ZNF195: variants seen among roughly 807,000 people sequenced by gnomAD.
ZNF195 encodes the protein zinc finger protein 195.
A neutral mutation model predicts 19.5 loss-of-function variants in ZNF195; 11 were observed. That is an observed-to-expected ratio of 0.57 (90% confidence interval 0.36 to 0.94). ZNF195 has a LOEUF of 0.94. Ranked by LOEUF, ZNF195 falls within the 40% of genes least tolerant of loss-of-function variation. The pLI, the probability that ZNF195 is intolerant of heterozygous loss-of-function variation, is 0.01. For missense variants in ZNF195, 582 were observed against 709.0 expected, an observed-to-expected ratio of 0.82 and a Z score of 2.03; for synonymous variants, 214 against 248.1, an observed-to-expected ratio of 0.86 and a Z score of 1.29.
intron 3 of ZNF195, among the ~76,000 whole-genome samples, chr11:3,365,411 A>T (rs1407361169): frequency 1.3e-5 from 2 of 152,244 alleles, no homozygotes; most frequent in Non-Finnish European, 2.9e-5. Context: ...AAGTCTCATG[A>T]CATGTTTTCT....
chr11:3,379,077 GATC>G lies in ZNF195; in HGVS notation c.-40_-38del. The G allele has an allele frequency of 6.7e-7, 1 of 1,493,966 alleles. No individual in the cohort carries two copies. Among genetic ancestry groups the G allele is most frequent in the Non-Finnish European group, 9.0e-7 (1 of 1,111,622 alleles). 92.5% of individuals were successfully genotyped at this position (1,493,966 alleles called of 1,614,324 possible). On this transcript the variant is annotated 5_prime_UTR_variant, in exon 1 of 6. Coordinates refer to ENST00000399602, the MANE Select transcript of ZNF195 (RefSeq NM_001130520.3). ...CAGAGAGCCTGGCGTTTCACTTCTG[GATC>G]TCCCGGTGCCTGCGGGTCACACGAC...
rs1848576267 is a variant in ZNF195, at chr11:3,360,450, C to A, written c.558G>T (p.Arg186Ser). The A allele has an allele frequency of 1.9e-6, 3 of 1,611,590 alleles. No homozygotes were observed. The highest frequency in any genetic ancestry group is 1.3e-5 in the African/African-American group (1 of 74,422). The change falls in exon 6 of 6, where the codon AGG (arginine) becomes AGT (serine). Residue 186 changes from arginine to serine, a missense_variant. Physicochemically the swap from Arg to Ser is moderately radical, Grantham distance 110. This residue lies in a region of ZNF195 where 407 missense variants were observed against 530.5 expected (regional missense o/e 0.77). Transcript: ENST00000399602. ...ACTCATCTAAACTTTCCCAGTCTTT[C>A]CTTAAATATAAATTATCAAGGCCAC... ...GNCGLDNLYL[R>S]KDWESLDECK...
chr11:3,372,807 C>G (rs1044993890), intron 1 of ZNF195, among the ~76,000 whole-genome samples: 3 of 152,260 alleles, frequency 2.0e-5, no homozygotes, highest in Admixed American at 2.0e-4. Context: ...TCTCGGCTCA[C>G]TGCTACCTCT....
chr11:3,378,918 AG>A, intron 1 of ZNF195, 119 bp downstream of exon 1: 1 of 1,204,014 alleles, frequency 8.3e-7, no homozygotes. Flanking sequence ...GTGCAGCTGG[AG>A]GGGCCTCGGG....
chr11:3,366,218 C>T (rs1418230953), intron 3 of ZNF195, among the ~76,000 whole-genome samples: 19 of 143,436 alleles, frequency 1.3e-4, no homozygotes, highest in Non-Finnish European at 2.6e-4. Flanking sequence ...GAGCAGAGAT[C>T]GCACCACTGC....
Position 3,360,184 on chromosome 11 carries a change from C to T in ZNF195, c.824G>A (p.Gly275Glu), listed in dbSNP as rs370210095. The T allele has an allele frequency of 3.1e-5, 50 of 1,613,728 alleles. No individual in the cohort carries two copies. Among genetic ancestry groups the T allele is most frequent in the African/African-American group, 5.3e-5 (4 of 74,866 alleles). ...IHTGKKFQKCGECGKTFIQCS... is the reference protein window; with the variant it reads ...IHTGKKFQKCEECGKTFIQCS... Reference sequence around the variant, plus strand: ...CTGGATAAAGGTTTTGCCACATTCTCCACATTTTTGGAATTTTTTTCCAGT... The same window carrying T: ...CTGGATAAAGGTTTTGCCACATTCTTCACATTTTTGGAATTTTTTTCCAGT... Residue 275 changes from glycine to glutamate, a missense_variant, in exon 6 of 6, where the codon GGA becomes GAA. This residue lies in a region of ZNF195 where 407 missense variants were observed against 530.5 expected (regional missense o/e 0.77). Coordinates refer to ENST00000399602, the MANE Select transcript of ZNF195 (RefSeq NM_001130520.3).
At chr11:3,374,078 T>C (rs565921232) in intron 1 of ZNF195, among the ~76,000 whole-genome samples, 1 of 152,312 alleles carries the variant, frequency 6.6e-6, no homozygotes, top group East Asian at 1.9e-4. Context: ...CCCAAACCAA[T>C]AGGCAGAATC....
intron 3 of ZNF195, chr11:3,368,911 C>A: frequency 6.7e-6 from 3 of 448,100 alleles, no homozygotes; most frequent in South Asian, 4.8e-5. Context: ...TTTTCTTACA[C>A]CATACTCAAA....
Position 3,360,049 on chromosome 11 carries a change from A to G in ZNF195, c.959T>C (p.Ile320Thr). ...KTCSVLTKNR[I>T]YAGGEHYRCE... ...TCTGTAATGTTCCCCTCCGGCATAA[A>G]TTCTATTTTTAGTAAGGACTGAGCA... Residue 320 changes from isoleucine (I) to threonine (T), a missense_variant, in exon 6 of 6, where the codon ATT becomes ACT. By Grantham distance (89) the Ile-to-Thr change is moderately conservative. This residue lies in a region of ZNF195 where 407 missense variants were observed against 530.5 expected (regional missense o/e 0.77). Coordinates refer to ENST00000399602, the MANE Select transcript of ZNF195 (RefSeq NM_001130520.3). 2 of 1,614,062 alleles carry G rather than the reference A, an allele frequency of 1.2e-6. No homozygotes were observed. The highest frequency in any genetic ancestry group is 1.7e-6 in the Non-Finnish European group (2 of 1,180,030).
chr11:3,372,889 G>T (rs956597084), intron 1 of ZNF195, among the ~76,000 whole-genome samples: 3 of 152,120 alleles, frequency 2.0e-5, no homozygotes, highest in African/African-American at 7.2e-5. Flanking sequence ...GTGCCACCAC[G>T]CTTGGATAAT....
intron 1 of ZNF195, among the ~76,000 whole-genome samples, chr11:3,374,189 A>C (rs1849346950): frequency 6.6e-6 from 1 of 152,206 alleles, no homozygotes; most frequent in African/African-American, 2.4e-5. Context: ...TCAAGCTTCA[A>C]TGTGCATATG....
intron 1 of ZNF195, among the ~76,000 whole-genome samples, chr11:3,376,224 C>A (rs915043418): frequency 6.6e-6 from 1 of 151,922 alleles, no homozygotes; most frequent in Non-Finnish European, 1.5e-5. Flanking sequence ...CAGTCTGGCG[C>A]ACCCGCAGGG....
At chr11:3,372,755 T>A (rs1339609081) in intron 1 of ZNF195, among the ~76,000 whole-genome samples, 4 of 152,220 alleles carry the variant, frequency 2.6e-5, no homozygotes, top group African/African-American at 7.2e-5. Context: ...GTCTTGAGAC[T>A]GAGTCTCACT....
chr11:3,360,212 GA>G lies in ZNF195; in HGVS notation c.795del (p.His266ThrfsTer109). 1 of 1,613,892 alleles carries G rather than the reference GA, an allele frequency of 6.2e-7. No homozygotes were observed. Among genetic ancestry groups the G allele is most frequent in the Non-Finnish European group, 8.5e-7 (1 of 1,179,964 alleles). On this transcript the variant is annotated frameshift_variant, in exon 6 of 6. Coordinates refer to ENST00000399602, the MANE Select transcript of ZNF195 (RefSeq NM_001130520.3). LOFTEE classifies it low-confidence loss of function (END_TRUNC). ...CATTTTTGGAATTTTTTTCCAGTGT[GA>G]ATTTTCTGATGTTCAGTTAGGAATG... ...MLSFLTEHQK[I>X]HTGKKFQKCG...
chr11:3,375,726 C>T (rs566685191), intron 1 of ZNF195: 1 of 152,298 alleles, frequency 6.6e-6, no homozygotes, highest in South Asian at 2.1e-4. Context: ...TTGTTTTTTA[C>T]TGAAGTACCA....
intron 3 of ZNF195, among the ~76,000 whole-genome samples, chr11:3,368,119 T>C (rs778610366): frequency 1.4e-4 from 21 of 151,290 alleles, no homozygotes; most frequent in Non-Finnish European, 1.9e-4. Context: ...ACTAAATAAT[T>C]CAGACATAAC....
Position 3,360,255 on chromosome 11 carries a change from T to A in ZNF195, c.753A>T (p.Lys251Asn). Residue 251 changes from lysine to asparagine, a missense_variant, in exon 6 of 6, where the codon AAA becomes AAT. Physicochemically the swap from Lys to Asn is moderately conservative, Grantham distance 94. Around this residue, in one of 3 missense-constraint regions of ZNF195, gnomAD observed 407 missense variants for 530.5 expected, o/e 0.77. Coordinates refer to ENST00000399602, the MANE Select transcript of ZNF195 (RefSeq NM_001130520.3). ...EKPFKCQECG[K>N]SFQMLSFLTE... ...TTAGGAATGAGAGCATTTGAAAGGA[T>A]TTGCCACATTCTTGACATTTGAAAG... 7 of 1,613,926 alleles carry A rather than the reference T, an allele frequency of 4.3e-6. No homozygotes were observed. Among genetic ancestry groups the A allele is most frequent in the Non-Finnish European group, 5.9e-6 (7 of 1,179,902 alleles).
Position 3,361,841 on chromosome 11 carries a change from G to A in ZNF195, c.275C>T (p.Ser92Leu). 1 of 601,876 alleles carries A rather than the reference G, an allele frequency of 1.7e-6. No homozygotes were observed. The highest frequency in any genetic ancestry group is 2.8e-6 in the Non-Finnish European group (1 of 351,294). The allele number at this position is 601,876 out of a possible 1,614,324, so 37.3% of individuals were successfully genotyped here. The change falls in exon 4 of 6, where the codon TCA becomes TTA. Residue 92 changes from serine to leucine, a missense_variant. By Grantham distance (145) the Ser-to-Leu change is moderately radical (BLOSUM62 -2). Transcript: ENST00000399602. ...GGAGGCTGAGGCAGGCAGATCGCTTGAGCCCAGGAGTTCAAGACAAGCCTG... is the reference window on the plus strand; with the variant it reads ...GGAGGCTGAGGCAGGCAGATCGCTTAAGCCCAGGAGTTCAAGACAAGCCTG... Reference protein sequence around the residue: ...ATQACLELLGSSDLPASASQS... With the variant: ...ATQACLELLGLSDLPASASQS...
chr11:3,373,077 TA>T (rs1470551285), intron 1 of ZNF195, among the ~76,000 whole-genome samples: 8 of 152,268 alleles, frequency 5.3e-5, no homozygotes, highest in South Asian at 2.1e-4. Context: ...TTTAGCATTC[TA>T]AAAAGCAAGT....
Sources: gnomAD v4.1 joint callset for allele counts (sites outside exome capture counted in the v4.1 genomes callset) on GRCh38, gnomAD v4.1.1 for gene constraint, gnomAD v4.1.1 regional missense constraint, MANE v1.5 for transcripts, NCBI Gene and HGNC (gene_info 2026-07-23, HGNC 2026-07-21) for gene names.